Variants in PALS1 observed in about 807,000 individuals in gnomAD.
PALS1 encodes protein associated with LIN7 1, MAGUK p55 family member.
PALS1 carries 31 observed loss-of-function variants against 78.9 expected under a neutral mutation model. The observed-to-expected ratio is 0.39, with a 90% confidence interval of 0.30 to 0.53. The LOEUF (loss-of-function observed/expected upper bound fraction) is 0.53. PALS1 is among the 20% of genes least tolerant of loss of function. The pLI is 0.67. For synonymous variants in PALS1, 276 were observed against 270.9 expected (o/e 1.02, Z -0.18); for missense variants, 704 against 826.5 (o/e 0.85, Z 1.82).
Position 67,279,003 on chromosome 14 carries a change from C to A in PALS1, c.-153-15C>A. 1 of 599,182 alleles carries A rather than the reference C, an allele frequency of 1.7e-6. No individual in the cohort carries two copies. The highest frequency in any genetic ancestry group is 2.6e-6 in the Non-Finnish European group (1 of 380,304). The allele number at this position is 599,182 out of a possible 1,614,324, so 37.1% of individuals were successfully genotyped here. On this transcript the variant is annotated splice_polypyrimidine_tract_variant and intron_variant, in intron 2 of 14. Coordinates refer to ENST00000261681, the MANE Select transcript of PALS1 (RefSeq NM_022474.4). ...GTAATTCTTACACTTTTTTCCCCCCCATCTTTCCCCTTAGATTTCCTTCAT... is the reference window on the plus strand; with the variant it reads ...GTAATTCTTACACTTTTTTCCCCCCAATCTTTCCCCTTAGATTTCCTTCAT...
chr14:67,279,500 T>C lies in PALS1; in HGVS notation c.330T>C (p.Ile110=). Residue 110 remains isoleucine (I), a synonymous_variant, in exon 3 of 15, where the codon ATT becomes ATC. Transcript: ENST00000261681. ...DNPMFDTEEG[I]VLESPHYAVK... ...CTATGTTTGATACAGAGGAAGGAAT[T>C]GTCTTAGAAAGTCCTCATTATGCTG... 2 of 1,567,736 alleles carry C rather than the reference T, an allele frequency of 1.3e-6. No individual in the cohort carries two copies. Among genetic ancestry groups the C allele is most frequent in the East Asian group, 2.2e-5 (1 of 44,496 alleles).
At chr14:67,281,414 G>A (rs1156723499) in intron 3 of PALS1, among the ~76,000 whole-genome samples, 1 of 152,078 alleles carries the variant, frequency 6.6e-6, no homozygotes, top group South Asian at 2.1e-4. Flanking sequence ...TTATGTGAAA[G>A]AATTTTATGC....
chr14:67,288,964 CTTTTTTTTTTTT>C (rs36044460), intron 3 of PALS1, among the ~76,000 whole-genome samples: 1 of 107,078 alleles, frequency 9.3e-6, no homozygotes, highest in South Asian at 3.1e-4. Flanking sequence ...TCTTTATTTC[CTTTTTTTTTTTT>C]TTTTTTTTGA....
chr14:67,320,312 G>C lies in PALS1; in HGVS notation c.1452G>C (p.Leu484Phe), dbSNP rs372266455. ...QPANRKRPIILIGPQNCGQNE... is the reference protein window; with the variant it reads ...QPANRKRPIIFIGPQNCGQNE... ...CAAATAGGAAGAGACCTATCATCTT[G>C]ATTGGTCCACAGAACTGTGGCCAGA... The change falls in exon 12 of 15, where the codon TTG (leucine) becomes TTC (phenylalanine). Residue 484 changes from leucine (L) to phenylalanine (F), a missense_variant. Physicochemically the swap from Leu to Phe is conservative, Grantham distance 22. Transcript: ENST00000261681. 5.0e-5 allele frequency: 81 copies of C among 1,613,856 alleles called. No individual in the cohort carries two copies. The highest frequency in any genetic ancestry group is 6.2e-5 in the Non-Finnish European group (73 of 1,179,952).
chr14:67,327,218 C>G (rs749245791), intron 14 of PALS1, among the ~76,000 whole-genome samples: 18 of 152,120 alleles, frequency 1.2e-4, no homozygotes, highest in Non-Finnish European at 2.5e-4. Context: ...TGAAGCTGCT[C>G]TAAACATTCA....
chr14:67,286,419 C>G lies in PALS1; in HGVS notation c.368-6092C>G, dbSNP rs77570204. Among the ~76,000 whole-genome samples, 812 of 152,258 alleles carry G rather than the reference C, an allele frequency of 5.3e-3. 12 individuals are homozygous for G. The highest frequency in any genetic ancestry group is 0.033 in the East Asian group (173 of 5,188). On this transcript the variant is annotated intron_variant, in intron 3 of 14. Coordinates refer to ENST00000261681, the MANE Select transcript of PALS1 (RefSeq NM_022474.4). ...TTTTATTATGGAAGAGTGTATTTGA[C>G]AGGACTGATTTAGTTACATCTGAAT... is the stretch of plus-strand genomic sequence containing the variant.
chr14:67,288,423 G>A (rs528113235), intron 3 of PALS1, among the ~76,000 whole-genome samples: 7 of 152,210 alleles, frequency 4.6e-5, no homozygotes, highest in Non-Finnish European at 1.0e-4. Flanking sequence ...TGCAAGGCAT[G>A]GCTCACACCT....
chr14:67,283,401 G>C (rs895117956), intron 3 of PALS1, among the ~76,000 whole-genome samples: 1 of 152,096 alleles, frequency 6.6e-6, no homozygotes, highest in Non-Finnish European at 1.5e-5. Context: ...CTGGAATTTT[G>C]TGTGATTGTA....
Position 67,317,388 on chromosome 14 carries a change from T to A in PALS1, c.1298-20T>A. ...GTTCACGGGAACACATTTATAGTTA[T>A]GTTTATGATTGCTCAACAGGAAAAC... On this transcript the variant is annotated intron_variant, in intron 10 of 14. Transcript: ENST00000261681. 6.3e-7 allele frequency: 1 copy of A among 1,591,652 alleles called. No homozygotes were observed. Among genetic ancestry groups the A allele is most frequent in the Non-Finnish European group, 8.6e-7 (1 of 1,165,610 alleles).
chr14:67,303,767 CT>C (rs572557398), intron 8 of PALS1, among the ~76,000 whole-genome samples, 168 bp downstream of exon 8: 1 of 150,860 alleles, frequency 6.6e-6, no homozygotes. Context: ...AACTCTGCAC[CT>C]TTTTTTTTGG....
At chr14:67,303,158 T>C (rs1010787366) in intron 7 of PALS1, among the ~76,000 whole-genome samples, 9 of 152,218 alleles carry the variant, frequency 5.9e-5, no homozygotes, top group Non-Finnish European at 8.8e-5. Context: ...ATTTCCATCA[T>C]TGGAGAAAGT....
intron 1 of PALS1, among the ~76,000 whole-genome samples, chr14:67,266,885 A>G (rs2084335024): frequency 6.6e-6 from 1 of 152,014 alleles, no homozygotes; most frequent in South Asian, 2.1e-4. Context: ...CGAGGTGGAC[A>G]GATCACTTGA....
chr14:67,243,020 C>T (rs2083927105), intron 1 of PALS1, among the ~76,000 whole-genome samples: 1 of 152,050 alleles, frequency 6.6e-6, no homozygotes, highest in African/African-American at 2.4e-5. Context: ...TCAGGATCTC[C>T]TGAGGGCTGT....
At chr14:67,275,479 T>A (rs1168120250) in intron 2 of PALS1, among the ~76,000 whole-genome samples, 1 of 152,162 alleles carries the variant, frequency 6.6e-6, no homozygotes, top group Non-Finnish European at 1.5e-5. Context: ...CCCATTTGAT[T>A]GTGGTGCATA....
At chr14:67,296,613 A>AAAAAG (rs1406815939) in intron 4 of PALS1, among the ~76,000 whole-genome samples, 2 of 149,844 alleles carry the variant, frequency 1.3e-5, no homozygotes, top group East Asian at 1.9e-4. Flanking sequence ...AAAAAAAAAA[A>AAAAAG]GATGGTGTCT....
Position 67,287,343 on chromosome 14 carries a change from T to C in PALS1, c.368-5168T>C, listed in dbSNP as rs143207842. ...CATAAATATATTGGATTAAAAGCCA[T>C]TGTTCTGATATAAGAAAAAAGGATG... On this transcript the variant is annotated intron_variant, in intron 3 of 14. Coordinates refer to ENST00000261681, the MANE Select transcript of PALS1 (RefSeq NM_022474.4). 7.2e-5 allele frequency among the ~76,000 whole-genome samples: 11 copies of C among 152,142 alleles called. No individual in the cohort carries two copies. The East Asian group carries it at 2.1e-3, about 29-fold the overall frequency.
At chr14:67,248,830 A>T (rs937576159) in intron 1 of PALS1, among the ~76,000 whole-genome samples, 2 of 150,806 alleles carry the variant, frequency 1.3e-5, no homozygotes, top group Non-Finnish European at 2.9e-5. Context: ...TTTTTATTTT[A>T]TTTTTTTGAG....
At chr14:67,301,624 T>C (rs2084933932) in intron 5 of PALS1, among the ~76,000 whole-genome samples, 158 bp downstream of exon 5, 1 of 152,248 alleles carries the variant, frequency 6.6e-6, no homozygotes, top group Non-Finnish European at 1.5e-5. Context: ...TTGGATTATA[T>C]ATTTTCAGAT....
intron 1 of PALS1, among the ~76,000 whole-genome samples, chr14:67,259,416 G>GCCTGGCCAACACGGTGAAACCCCGTCTC (rs2084197608): frequency 6.6e-6 from 1 of 151,840 alleles, no homozygotes. Flanking sequence ...TTTGAGACCA[G>GCCTGGCCAACACGGTGAAACCCCGTCTC]CCTGGCCAAC....
Sources: gnomAD v4.1 joint callset for allele counts (sites outside exome capture counted in the v4.1 genomes callset) on GRCh38, gnomAD v4.1.1 for gene constraint, MANE v1.5 for transcripts, NCBI Gene and HGNC (gene_info 2026-07-23, HGNC 2026-07-21) for gene names.